The following RNF125 variants were observed in gnomAD, a reference collection of about 807,000 sequenced individuals.
RNF125 encodes E3 ubiquitin-protein ligase RNF125.
In RNF125, 21 loss-of-function variants were observed where a neutral mutation model predicts 26.0. That is an observed-to-expected ratio of 0.81 (90% CI 0.57 to 1.16). The LOEUF (loss-of-function observed/expected upper bound fraction) is 1.16. RNF125 is among the 50% of genes most tolerant of loss of function. RNF125 has a pLI of 0.00. For missense variants in RNF125, 270 were observed against 299.4 expected, an observed-to-expected ratio of 0.90 and a Z score of 0.72; for synonymous variants, 95 against 109.2, an observed-to-expected ratio of 0.87 and a Z score of 0.81.
At chr18:32,032,512 C>G (rs774685958) in intron 1 of RNF125, among the ~76,000 whole-genome samples, 1 of 151,922 alleles carries the variant, frequency 6.6e-6, no homozygotes, top group Admixed American at 6.6e-5. Flanking sequence ...TGACCAAGCT[C>G]AAGCACTTTC....
At chr18:32,075,601 G>GA (rs1297461225), downstream of RNF125, among the ~76,000 whole-genome samples, 10 of 143,996 alleles carry the variant, frequency 6.9e-5, 1 homozygote, top group Admixed American at 6.7e-4. Flanking sequence ...GCTGAGGCAG[G>GA]AAAATTGCTT....
intron 1 of RNF125, among the ~76,000 whole-genome samples, chr18:32,032,058 C>T (rs993175528): frequency 3.9e-5 from 6 of 151,924 alleles, no homozygotes; most frequent in Non-Finnish European, 8.8e-5. Flanking sequence ...CACCACCACA[C>T]CCAGCTAATT....
At chr18:32,075,293 C>T (rs910479634), downstream of RNF125, among the ~76,000 whole-genome samples, 6 of 152,180 alleles carry the variant, frequency 3.9e-5, no homozygotes, top group Non-Finnish European at 7.3e-5. Flanking sequence ...TGTGGTGGCT[C>T]ACGCCTGTAA....
intron 4 of RNF125, among the ~76,000 whole-genome samples, chr18:32,054,956 T>C (rs573365853): frequency 6.6e-6 from 1 of 152,236 alleles, no homozygotes; most frequent in South Asian, 2.1e-4. Context: ...ATATGAAAAA[T>C]TGAATTTGAG....
intron 4 of RNF125, among the ~76,000 whole-genome samples, chr18:32,063,442 GAA>G (rs1200260649): frequency 2.0e-5 from 3 of 151,936 alleles, no homozygotes; most frequent in African/African-American, 7.2e-5. Context: ...GGAAAATAAA[GAA>G]AAACTGAATA....
chr18:32,021,835 G>A (rs1435133578), intron 1 of RNF125, among the ~76,000 whole-genome samples: 1 of 152,080 alleles, frequency 6.6e-6, no homozygotes, highest in Non-Finnish European at 1.5e-5. Context: ...CTTTGTTAAA[G>A]TGAATAGGAA....
At chr18:32,065,195 G>A (rs1259253935) in intron 4 of RNF125, among the ~76,000 whole-genome samples, 1 of 152,088 alleles carries the variant, frequency 6.6e-6, no homozygotes, top group Non-Finnish European at 1.5e-5. Flanking sequence ...GTTTATTTTT[G>A]AATGGTTACC....
intron 1 of RNF125, among the ~76,000 whole-genome samples, chr18:32,028,584 T>A (rs2039062496): frequency 8.9e-6 from 1 of 111,892 alleles, no homozygotes; most frequent in South Asian, 2.9e-4. Context: ...ATATTTTGTT[T>A]CCTTTTTTTT....
At chr18:32,083,878 G>T in the RNF125 span, among the ~76,000 whole-genome samples, 138 of 151,510 alleles carry the variant, frequency 9.1e-4, no homozygotes, top group African/African-American at 3.3e-3. Flanking sequence ...ACTACAGCCC[G>T]GGCAACAGAG....
chr18:32,037,065 C>T (rs1012527348), intron 1 of RNF125, 51 bp from the exon 2 acceptor site: 2 of 1,505,944 alleles, frequency 1.3e-6, no homozygotes, highest in Non-Finnish European at 1.8e-6. Flanking sequence ...ATGGTGGTGG[C>T]TCCTTATAGC....
At chr18:32,031,146 G>T (rs1333404001) in intron 1 of RNF125, 1 of 151,778 alleles carries the variant, frequency 6.6e-6, no homozygotes, top group Non-Finnish European at 1.5e-5. Context: ...ATTATATCAG[G>T]CCTCCTGGTT....
intron 2 of RNF125, 109 bp from the exon 3 acceptor site, chr18:32,042,070 A>C (rs1330637043): frequency 2.7e-6 from 2 of 734,188 alleles, no homozygotes; most frequent in Non-Finnish European, 4.7e-6. Flanking sequence ...CTATTTAGTC[A>C]GTTGATCCCA....
chr18:32,022,030 G>C (rs886940101), intron 1 of RNF125, among the ~76,000 whole-genome samples: 3 of 152,130 alleles, frequency 2.0e-5, no homozygotes, highest in African/African-American at 7.2e-5. Context: ...GTTAACCAGA[G>C]TCCTTTCTGC....
chr18:32,055,261 T>C (rs1267138842), intron 4 of RNF125, among the ~76,000 whole-genome samples: 4 of 149,366 alleles, frequency 2.7e-5, no homozygotes, highest in Non-Finnish European at 3.0e-5. Context: ...ATGGCACCGC[T>C]GCACTCCAGC....
rs1397413068 is a variant in RNF125, at chr18:32,018,904, C to T, written c.41C>T (p.Pro14Leu). The change falls in exon 1 of 6, where the codon CCC (proline) becomes CTC (leucine). Residue 14 changes from proline to leucine, a missense_variant. Transcript: ENST00000217740. ...AGCACCGACAGCGGCAAATCGGCGC[C>T]CGCCTCTGCCACCGCGCGGGCCCTG... ...VLSTDSGKSA[P>L]ASATARALER... 1 of 1,605,010 alleles carries T rather than the reference C, an allele frequency of 6.2e-7. No homozygotes were observed. Among genetic ancestry groups the T allele is most frequent in the East Asian group, 2.2e-5 (1 of 44,484 alleles).
chr18:32,025,481 T>A (rs2039024061), intron 1 of RNF125, among the ~76,000 whole-genome samples: 2 of 151,784 alleles, frequency 1.3e-5, no homozygotes, highest in Non-Finnish European at 2.9e-5. Context: ...CTGCCCAACA[T>A]GGCGAAACCC....
intron 4 of RNF125, among the ~76,000 whole-genome samples, chr18:32,047,530 C>G (rs62093941): frequency 0.17 from 25,129 of 152,096 alleles, 2,166 homozygotes; most frequent in Middle Eastern, 0.24. Flanking sequence ...ATATTTGTGT[C>G]AGCAATGTAT....
rs140688632 is a variant in RNF125, at chr18:32,072,216, T to C, written c.*3832T>C. The stretch of plus-strand genomic sequence containing the variant: ...ACCCTGTCTCCAAAAACATAAATAA[T>C]TAAATATAAATAAAAATAAAGCAAA... On this transcript the variant is annotated 3_prime_UTR_variant, in exon 6 of 6. Transcript: ENST00000217740. 1.3e-5 allele frequency: 2 copies of C among 151,668 alleles called. No individual in the cohort carries two copies. The highest frequency in any genetic ancestry group is 4.8e-5 in the African/African-American group (2 of 41,352). 9.4% of individuals were successfully genotyped at this position (151,668 alleles called of 1,614,324 possible). A position where few individuals can be genotyped will look rare whatever the true frequency, so the allele number is the denominator to read the frequency against.
intron 1 of RNF125, among the ~76,000 whole-genome samples, chr18:32,035,956 C>A (rs1352952177): frequency 6.6e-6 from 1 of 152,034 alleles, no homozygotes; most frequent in East Asian, 1.9e-4. Flanking sequence ...AGTTCGAGAC[C>A]AGCCTGACCA....
Sources: gnomAD v4.1 joint callset for allele counts (sites outside exome capture counted in the v4.1 genomes callset) on GRCh38, gnomAD v4.1.1 for gene constraint, MANE v1.5 for transcripts, NCBI Gene and HGNC (gene_info 2026-07-23, HGNC 2026-07-21) for gene names.